GYS2: variants seen among roughly 807,000 people sequenced by gnomAD.
GYS2 encodes glycogen [starch] synthase, liver.
In GYS2, 80 loss-of-function variants were observed where a neutral mutation model predicts 85.6. That is an observed-to-expected ratio of 0.93 (90% CI 0.78 to 1.13). The LOEUF (loss-of-function observed/expected upper bound fraction) is 1.13, where lower values mean the gene tolerates loss of function less well. GYS2 is among the 50% of genes most tolerant of loss of function. GYS2 has a pLI of 0.00. For missense variants in GYS2, 881 were observed against 854.9 expected, an observed-to-expected ratio of 1.03 and a Z score of -0.38; for synonymous variants, 328 against 300.7, an observed-to-expected ratio of 1.09 and a Z score of -0.94.
At chr12:21,574,688 G>A (rs531732175) in intron 3 of GYS2, among the ~76,000 whole-genome samples, 3 of 151,998 alleles carry the variant, frequency 2.0e-5, no homozygotes, top group Non-Finnish European at 4.4e-5. Flanking sequence ...AGATATCACT[G>A]AACAGCTGAA....
At chr12:21,545,088 C>T (rs1488895670) in intron 12 of GYS2, among the ~76,000 whole-genome samples, 1 of 152,152 alleles carries the variant, frequency 6.6e-6, no homozygotes, top group Non-Finnish European at 1.5e-5. Flanking sequence ...CATTGAGATA[C>T]AAAAGGCAAC....
chr12:21,533,529 C>A (rs1395698940), downstream of GYS2, among the ~76,000 whole-genome samples: 1 of 152,192 alleles, frequency 6.6e-6, no homozygotes. Context: ...TTGATCCTCA[C>A]AACAACTGTG....
chr12:21,569,655 A>T (rs1944363334), intron 4 of GYS2, among the ~76,000 whole-genome samples: 1 of 152,216 alleles, frequency 6.6e-6, no homozygotes, highest in South Asian at 2.1e-4. Flanking sequence ...GGCTTTTGCC[A>T]TTTCACTTAG....
downstream of GYS2, among the ~76,000 whole-genome samples, chr12:21,534,271 G>A (rs941333067): frequency 6.6e-6 from 1 of 152,184 alleles, no homozygotes; most frequent in Non-Finnish European, 1.5e-5. Flanking sequence ...AGCACTTTGG[G>A]AGGCCAAGGT....
rs772461189 is a variant in GYS2 at position 21,604,555 on chromosome 12, C to T, written c.38G>A (p.Gly13Asp). 2 of 1,612,524 alleles carry T rather than the reference C, an allele frequency of 1.2e-6. No individual in the cohort carries two copies. Among genetic ancestry groups the T allele is most frequent in the South Asian group, 1.1e-5 (1 of 91,052 alleles). ...TTCGACTTCCCACTGGGGAAGCCCACCCAGGGATGTTACAGAGAGGGATCG... is the reference window on the plus strand; with the variant it reads ...TTCGACTTCCCACTGGGGAAGCCCATCCAGGGATGTTACAGAGAGGGATCG... ...RGRSLSVTSL[G>D]GLPQWEVEEL... is the part of the protein sequence containing the mutation. The change falls in exon 1 of 16, where the codon GGT becomes GAT. Residue 13 changes from glycine to aspartate, a missense_variant. Transcript: ENST00000261195.
chr12:21,596,419 T>C (rs1289455121), intron 1 of GYS2, among the ~76,000 whole-genome samples: 2 of 151,870 alleles, frequency 1.3e-5, no homozygotes, highest in Non-Finnish European at 2.9e-5. Flanking sequence ...GCAGGTTCCA[T>C]GCCAGGGATG....
At chr12:21,562,894 T>C (rs1944272196) in intron 7 of GYS2, 24 bp downstream of exon 7, 6 of 1,611,514 alleles carry the variant, frequency 3.7e-6, no homozygotes, top group Middle Eastern at 1.6e-4. Flanking sequence ...AAGAGTGTTA[T>C]ACCATGTCCT....
chr12:21,566,859 C>A (rs1044620022), intron 5 of GYS2, among the ~76,000 whole-genome samples: 2 of 152,102 alleles, frequency 1.3e-5, no homozygotes, highest in East Asian at 1.9e-4. Context: ...TTGACCACTA[C>A]TCTGTAGCTA....
At chr12:21,557,215 A>T (rs1038232552) in intron 11 of GYS2, among the ~76,000 whole-genome samples, 2 of 152,242 alleles carry the variant, frequency 1.3e-5, no homozygotes, top group African/African-American at 2.4e-5. Flanking sequence ...GATCTTGAAC[A>T]TTAGTGGATG....
rs749863926 is a variant in GYS2 at position 21,558,276 on chromosome 12, A to T, written c.1346T>A (p.Ile449Asn). The stretch of plus-strand genomic sequence containing the variant: ...GAGGATGGGGTCGGTGGAGTCATCA[A>T]TCATGTTGTGCGTGGTCACTGGGGG... ...SLPPVTTHNM[I>N]DDSTDPILST... The change falls in exon 11 of 16, where the codon ATT becomes AAT. Residue 449 changes from isoleucine to asparagine, a missense_variant. Coordinates refer to ENST00000261195, the MANE Select transcript of GYS2 (RefSeq NM_021957.4). 1.2e-6 allele frequency: 2 copies of T among 1,613,848 alleles called. No homozygotes were observed. Among genetic ancestry groups the T allele is most frequent in the Non-Finnish European group, 1.7e-6 (2 of 1,179,832 alleles).
At position 21,537,441 on chromosome 12, in the gene GYS2, A is replaced by AAC. The variant is rs1943923192; in HGVS notation, c.1891-267_1891-266insGT. 8.5e-5 allele frequency: 41 copies of AAC among 483,202 alleles called. No individual in the cohort carries two copies. In the South Asian group the frequency reaches 8.9e-4, roughly 10 times the overall value. 29.9% of individuals were successfully genotyped at this position (483,202 alleles called of 1,614,324 possible). ...TCTTATCTTTTAACAACACTCTGATAAATATGTTTTTTTCAGTACAGAAGA... is the reference window on the plus strand; with the variant it reads ...TCTTATCTTTTAACAACACTCTGATAACAATATGTTTTTTTCAGTACAGAAGA... On this transcript the variant is annotated intron_variant, in intron 15 of 15. Transcript: ENST00000261195.
At chr12:21,587,901 A>G (rs1428354402) in intron 1 of GYS2, among the ~76,000 whole-genome samples, 1 of 152,138 alleles carries the variant, frequency 6.6e-6, no homozygotes, top group Non-Finnish European at 1.5e-5. Context: ...AGAGTGTGCA[A>G]GGAAAGAGTA....
chr12:21,561,096 T>C (rs945223093), intron 7 of GYS2, among the ~76,000 whole-genome samples: 1 of 152,182 alleles, frequency 6.6e-6, no homozygotes, highest in Non-Finnish European at 1.5e-5. Context: ...ACTTTTGGGA[T>C]AGCAGACACT....
intron 4 of GYS2, among the ~76,000 whole-genome samples, chr12:21,572,084 T>C (rs2136899804): frequency 6.6e-6 from 1 of 152,226 alleles, no homozygotes; most frequent in East Asian, 1.9e-4. Context: ...GTCGAGAGGA[T>C]AATTGATCAA....
intron 1 of GYS2, among the ~76,000 whole-genome samples, chr12:21,586,349 G>A (rs1944572767): frequency 6.6e-6 from 1 of 151,960 alleles, no homozygotes; most frequent in African/African-American, 2.4e-5. Context: ...GCTTGCAGAT[G>A]GCCTATTGTG....
chr12:21,562,698 CAAAAAAA>C (rs60049724), intron 7 of GYS2, among the ~76,000 whole-genome samples: 5 of 98,264 alleles, frequency 5.1e-5, no homozygotes, highest in Admixed American at 1.0e-4. Flanking sequence ...TAAGATTCTC[CAAAAAAA>C]AAAAAAAAAA....
Position 21,560,439 on chromosome 12 carries a change from T to C in GYS2, c.1116A>G (p.Thr372=). The C allele has an allele frequency of 6.2e-7, 1 of 1,610,432 alleles. No individual in the cohort carries two copies. Among genetic ancestry groups the C allele is most frequent in the Non-Finnish European group, 8.5e-7 (1 of 1,176,708 alleles). The part of the protein sequence containing the change: ...VMVFFIMPAK[T]NNFNVETLKG... ...TCAGGGTTTCCACGTTGAAATTATTTGTCTTGGCAGGCATAATGAAAAACA... is the reference window on the plus strand; with the variant it reads ...TCAGGGTTTCCACGTTGAAATTATTCGTCTTGGCAGGCATAATGAAAAACA... Residue 372 remains threonine (T), a synonymous_variant, in exon 8 of 16, where the codon ACA becomes ACG. Coordinates refer to ENST00000261195, the MANE Select transcript of GYS2 (RefSeq NM_021957.4).
At position 21,574,250 on chromosome 12, in the gene GYS2, GAA is replaced by G; in HGVS notation, c.570_571del (p.Arg192SerfsTer27). 1 of 1,613,626 alleles carries G rather than the reference GAA, an allele frequency of 6.2e-7. No individual in the cohort carries two copies. Among genetic ancestry groups the G allele is most frequent in the Admixed American group, 1.7e-5 (1 of 60,016 alleles). ...GGCAATAGGAAGTTTCCTGGCTCGA[GAA>G]AGGATCAGTCCAATTCCAGCCTGCC... On this transcript the variant is annotated frameshift_variant, in exon 4 of 16. Coordinates refer to ENST00000261195, the MANE Select transcript of GYS2 (RefSeq NM_021957.4). LOFTEE classifies it high-confidence loss of function.
chr12:21,574,732 T>A (rs1315481172), intron 3 of GYS2, among the ~76,000 whole-genome samples: 3 of 152,058 alleles, frequency 2.0e-5, no homozygotes, highest in Non-Finnish European at 4.4e-5. Context: ...AGCTTATTTT[T>A]AAAAAACTAC....
Sources: allele counts gnomAD v4.1 joint callset (sites outside exome capture counted in the v4.1 genomes callset), GRCh38; gene constraint gnomAD v4.1.1; transcripts MANE v1.5; gene names NCBI Gene and HGNC (gene_info 2026-07-23, HGNC 2026-07-21).